Variants in CASP6 observed in about 807,000 individuals in gnomAD.
CASP6 encodes caspase-6.
Under a neutral mutation model 31.8 loss-of-function variants are expected in CASP6, and 20 were observed. The ratio of observed to expected loss-of-function variants is 0.63; its 90% CI spans 0.44 to 0.91. CASP6 has a LOEUF of 0.91. Among genes scored for constraint, CASP6 ranks in the 40% least tolerant of loss-of-function variants. The pLI is 0.00. For missense variants in CASP6, 328 were observed against 361.1 expected (o/e 0.91, Z 0.74); for synonymous variants, 130 against 127.8 (o/e 1.02, Z -0.12).
upstream of CASP6, among the ~76,000 whole-genome samples, chr4:109,705,990 AAAAAAAAAAAAATATAT>A (rs1212126795): frequency 1.3e-3 from 91 of 71,266 alleles, no homozygotes; most frequent in African/African-American, 5.7e-3. Context: ...AAAAAAAAAA[AAAAAAAAAAAAATATAT>A]ATATATATAT....
chr4:109,691,018 CAAG>C lies in CASP6; in HGVS notation c.484-12_484-10del, dbSNP rs745411976. Reference sequence around the variant, plus strand: ...TGGTTTCCCCGACATGCCTACAAGACAAGGAGGAAAAACCCACCTCTTTGCCTA... The same window carrying C: ...TGGTTTCCCCGACATGCCTACAAGACGAGGAAAAACCCACCTCTTTGCCTA... On this transcript the variant is annotated splice_polypyrimidine_tract_variant and intron_variant, in intron 5 of 6. Coordinates refer to ENST00000265164, the MANE Select transcript of CASP6 (RefSeq NM_001226.4). 3.6e-5 allele frequency: 58 copies of C among 1,603,742 alleles called. No homozygotes were observed. The highest frequency in any genetic ancestry group is 1.7e-4 in the Middle Eastern group (1 of 5,948).
the CASP6 span, among the ~76,000 whole-genome samples, chr4:109,671,441 GT>G: frequency 6.6e-6 from 1 of 151,840 alleles, no homozygotes; most frequent in African/African-American, 2.4e-5. Context: ...TTGACCTTCA[GT>G]TTGAGAAAGT....
the CASP6 span, chr4:109,682,657 A>G: frequency 6.2e-7 from 1 of 1,613,310 alleles, no homozygotes; most frequent in Non-Finnish European, 8.5e-7. Flanking sequence ...ACAATCTTGC[A>G]TTTAGAAGAG....
chr4:109,704,141 T>C (rs949790357), upstream of CASP6, among the ~76,000 whole-genome samples: 1 of 152,150 alleles, frequency 6.6e-6, no homozygotes, highest in East Asian at 1.9e-4. Context: ...AAACACAATT[T>C]TGAAATTAGG....
the CASP6 span, among the ~76,000 whole-genome samples, chr4:109,670,259 C>G: frequency 1.3e-5 from 2 of 151,948 alleles, no homozygotes; most frequent in Admixed American, 1.3e-4. Flanking sequence ...TTCACAAGTG[C>G]TTCTCAGCCC....
chr4:109,673,610 G>A, the CASP6 span, among the ~76,000 whole-genome samples: 1 of 152,178 alleles, frequency 6.6e-6, no homozygotes, highest in Non-Finnish European at 1.5e-5. Flanking sequence ...AACTGAAAAT[G>A]AAATTTATAA....
At chr4:109,706,008 AT>A (rs1239599218), upstream of CASP6, among the ~76,000 whole-genome samples, 1 of 68,762 alleles carries the variant, frequency 1.5e-5, no homozygotes, top group Non-Finnish European at 2.5e-5. Context: ...AAAAATATAT[AT>A]ATATATATAT....
the CASP6 span, among the ~76,000 whole-genome samples, chr4:109,679,214 G>A: frequency 3.3e-5 from 5 of 152,342 alleles, no homozygotes; most frequent in African/African-American, 7.2e-5. Flanking sequence ...TGGGTGGCCC[G>A]GCAGAGACAC....
chr4:109,667,776 A>G, the CASP6 span, among the ~76,000 whole-genome samples: 130 of 151,268 alleles, frequency 8.6e-4, no homozygotes, highest in Non-Finnish European at 1.5e-3. Flanking sequence ...CTTTCCTGTT[A>G]TATGTATTCA....
chr4:109,705,996 AAAAAAATATAT>A (rs1258072494), upstream of CASP6, among the ~76,000 whole-genome samples: 6 of 64,556 alleles, frequency 9.3e-5, no homozygotes, highest in East Asian at 9.8e-4. Flanking sequence ...AAAAAAAAAA[AAAAAAATATAT>A]ATATATATAT....
At chr4:109,678,056 A>G in the CASP6 span, among the ~76,000 whole-genome samples, 30 of 152,050 alleles carry the variant, frequency 2.0e-4, no homozygotes, top group Admixed American at 1.8e-3. Flanking sequence ...CTGTTTAACA[A>G]AGCACATCTT....
chr4:109,703,815 C>G (rs1730516144), upstream of CASP6, among the ~76,000 whole-genome samples: 1 of 152,198 alleles, frequency 6.6e-6, no homozygotes, highest in Non-Finnish European at 1.5e-5. Context: ...TTTGCTATGC[C>G]TGTACTTTCT....
At chr4:109,708,503 AG>A (rs1403252603), upstream of CASP6, among the ~76,000 whole-genome samples, 1 of 152,196 alleles carries the variant, frequency 6.6e-6, no homozygotes, top group Non-Finnish European at 1.5e-5. Flanking sequence ...ACTACAATTC[AG>A]GGTTTTCACA....
At chr4:109,706,258 C>T (rs1432663804), upstream of CASP6, among the ~76,000 whole-genome samples, 1 of 146,792 alleles carries the variant, frequency 6.8e-6, no homozygotes, top group African/African-American at 2.5e-5. Context: ...GAAGTTAATT[C>T]CAATCCTCAT....
At chr4:109,670,324 T>C in the CASP6 span, among the ~76,000 whole-genome samples, 1 of 142,886 alleles carries the variant, frequency 7.0e-6, no homozygotes, top group East Asian at 1.9e-4. Context: ...GTTGCTGAAG[T>C]TGGGTTTTTC....
chr4:109,701,131 T>G (rs1191160509), intron 1 of CASP6, among the ~76,000 whole-genome samples: 1 of 151,970 alleles, frequency 6.6e-6, no homozygotes, highest in African/African-American at 2.4e-5. Flanking sequence ...CTACTTTTTT[T>G]TTGTATTTTC....
the CASP6 span, among the ~76,000 whole-genome samples, chr4:109,664,943 T>TA: frequency 2.0e-4 from 30 of 150,916 alleles, no homozygotes; most frequent in Middle Eastern, 3.4e-3. Flanking sequence ...TTAACTCTTG[T>TA]AAAAAAAAAA....
downstream of CASP6, chr4:109,684,996 C>T (rs1350796879): frequency 1.8e-5 from 7 of 394,696 alleles, no homozygotes; most frequent in Non-Finnish European, 3.1e-5. Flanking sequence ...TCTCCCTTTT[C>T]TTATTTCTTC....
At chr4:109,709,585 G>C in the CASP6 span, among the ~76,000 whole-genome samples, 1 of 152,016 alleles carries the variant, frequency 6.6e-6, no homozygotes, top group Non-Finnish European at 1.5e-5. Context: ...TCTGTCCCTG[G>C]AAGAAATGTG....
Sources: allele counts gnomAD v4.1 joint callset (sites outside exome capture counted in the v4.1 genomes callset), GRCh38; gene constraint gnomAD v4.1.1; transcripts MANE v1.5; gene names NCBI Gene and HGNC (gene_info 2026-07-23, HGNC 2026-07-21).